Variants in SOX6 observed in about 807,000 individuals in gnomAD.
SOX6 encodes the protein transcription factor SOX-6.
In SOX6, 11 loss-of-function variants were observed where a neutral mutation model predicts 97.8. The ratio of observed to expected loss-of-function variants is 0.11; its 90% CI spans 0.07 to 0.19. The LOEUF (loss-of-function observed/expected upper bound fraction) is 0.19. Ranked by LOEUF, SOX6 falls within the 10% of genes least tolerant of loss-of-function variation. The pLI is 1.00. For missense variants in SOX6, 810 were observed against 1,039.5 expected (o/e 0.78, Z 3.04); for synonymous variants, 360 against 371.4 (o/e 0.97, Z 0.35).
intron 4 of SOX6, chr11:16,484,804 A>T: frequency 3.2e-6 from 1 of 316,718 alleles, no homozygotes; most frequent in Non-Finnish European, 5.9e-6. Context: ...CTCTTTACCA[A>T]GAATGTTGTG....
chr11:16,345,431 G>T (rs957311680), intron 1 of SOX6, among the ~76,000 whole-genome samples: 2 of 151,884 alleles, frequency 1.3e-5, no homozygotes, highest in African/African-American at 4.8e-5. Context: ...GAAGAACTTC[G>T]GGCTTAGGAC....
chr11:16,644,490 T>A (rs1166179669), intron 3 of SOX6, among the ~76,000 whole-genome samples: 1 of 152,224 alleles, frequency 6.6e-6, no homozygotes, highest in African/African-American at 2.4e-5. Flanking sequence ...ACCACATGTA[T>A]CTTCACTGAT....
chr11:16,201,927 C>T (rs553715527), intron 4 of SOX6, among the ~76,000 whole-genome samples: 37 of 151,860 alleles, frequency 2.4e-4, no homozygotes, highest in Admixed American at 6.6e-4. Flanking sequence ...GCCACCGCGC[C>T]CGGCCTGCAA....
intron 4 of SOX6, among the ~76,000 whole-genome samples, chr11:16,495,328 A>C (rs1228729382): frequency 6.6e-6 from 1 of 152,104 alleles, no homozygotes; most frequent in Non-Finnish European, 1.5e-5. Flanking sequence ...TTCTGCCATG[A>C]GCCTGGAAAT....
In SOX6 at chr11:15,967,321, T is replaced by C. The variant is rs1012395732; in HGVS notation, c.*5488A>G. 3 of 152,250 alleles carry C rather than the reference T, an allele frequency of 2.0e-5. No individual in the cohort carries two copies. Among genetic ancestry groups the C allele is most frequent in the Non-Finnish European group, 2.9e-5 (2 of 68,052 alleles). 9.4% of individuals were successfully genotyped at this position (152,250 alleles called of 1,614,324 possible). ...AGTACCTTGACAACAGAGTTGCAGT[T>C]GTCCCAACAGCCCTACACAAACTTT... On this transcript the variant is annotated 3_prime_UTR_variant, in exon 16 of 16. Coordinates refer to ENST00000683767, the MANE Select transcript of SOX6 (RefSeq NM_001367873.1).
At chr11:16,429,303 G>A (rs750390649) in intron 1 of SOX6, among the ~76,000 whole-genome samples, 8 of 152,058 alleles carry the variant, frequency 5.3e-5, no homozygotes, top group Non-Finnish European at 1.2e-4. Context: ...AATACCATTC[G>A]ACCCAGCAAT....
chr11:16,459,921 T>A (rs1241239067), intron 1 of SOX6, among the ~76,000 whole-genome samples: 1 of 151,404 alleles, frequency 6.6e-6, no homozygotes, highest in Non-Finnish European at 1.5e-5. Context: ...TGGCTGAAAA[T>A]TTTCCAGATA....
chr11:16,045,710 T>G (rs2133906699), intron 12 of SOX6, among the ~76,000 whole-genome samples: 1 of 152,254 alleles, frequency 6.6e-6, no homozygotes, highest in South Asian at 2.1e-4. Context: ...TCCTAGTGCC[T>G]AGAATGCCCC....
intron 4 of SOX6, among the ~76,000 whole-genome samples, chr11:16,604,436 G>C (rs974472224): frequency 4.6e-5 from 7 of 152,348 alleles, no homozygotes; most frequent in Non-Finnish European, 8.8e-5. Flanking sequence ...TAGTGGGCGG[G>C]AGTAGAGGGG....
At chr11:16,320,005 A>G (rs563823372) in intron 2 of SOX6, among the ~76,000 whole-genome samples, 10 of 152,294 alleles carry the variant, frequency 6.6e-5, no homozygotes, top group African/African-American at 2.4e-4. Context: ...TCAGCTGAAA[A>G]GGAAAAAGCA....
intron 1 of SOX6, among the ~76,000 whole-genome samples, chr11:16,423,799 A>G (rs10832604): frequency 0.2 from 30,798 of 152,162 alleles, 3,361 homozygotes; most frequent in Admixed American, 0.32. Context: ...AGGCAATAGA[A>G]TAAATCAGAC....
intron 3 of SOX6, among the ~76,000 whole-genome samples, chr11:16,631,188 T>C (rs1034599976): frequency 3.3e-5 from 5 of 151,366 alleles, no homozygotes; most frequent in African/African-American, 1.2e-4. Flanking sequence ...CTTTAGGCTA[T>C]GTACCTAAGT....
chr11:16,511,310 A>G (rs4491181), intron 4 of SOX6, among the ~76,000 whole-genome samples: 25,404 of 152,136 alleles, frequency 0.17, 2,609 homozygotes, highest in Admixed American at 0.3. Context: ...TCCCACCCAT[A>G]GAGTGTCATC....
intron 6 of SOX6, among the ~76,000 whole-genome samples, chr11:16,145,252 C>G (rs900198742): frequency 2.0e-5 from 3 of 152,160 alleles, no homozygotes; most frequent in African/African-American, 7.2e-5. Context: ...ACAAAAACCA[C>G]ATGATTATCT....
chr11:16,621,636 T>C (rs1211208739), intron 3 of SOX6, among the ~76,000 whole-genome samples: 3 of 152,092 alleles, frequency 2.0e-5, no homozygotes, highest in Non-Finnish European at 4.4e-5. Context: ...TAGCATAGAG[T>C]TTAATAAATC....
chr11:16,244,671 C>T (rs1397684231), intron 3 of SOX6, among the ~76,000 whole-genome samples: 1 of 151,648 alleles, frequency 6.6e-6, no homozygotes, highest in Non-Finnish European at 1.5e-5. Flanking sequence ...GTTCCAGCAA[C>T]ATTTTTCAAA....
intron 4 of SOX6, among the ~76,000 whole-genome samples, chr11:16,226,372 C>T (rs868127357): frequency 1.3e-4 from 20 of 150,224 alleles, no homozygotes; most frequent in Admixed American, 4.6e-4. Flanking sequence ...GTGTGTTTGT[C>T]AAACACAAGC....
intron 3 of SOX6, among the ~76,000 whole-genome samples, chr11:16,655,115 A>T (rs771001454): frequency 4.6e-5 from 7 of 152,214 alleles, no homozygotes; most frequent in Non-Finnish European, 8.8e-5. Context: ...CCAAAACCTC[A>T]TGGGGACTTG....
At chr11:15,987,795 C>T (rs905977783) in intron 14 of SOX6, among the ~76,000 whole-genome samples, 1 of 150,208 alleles carries the variant, frequency 6.7e-6, no homozygotes, top group Non-Finnish European at 1.5e-5. Context: ...CATCCCTATG[C>T]ATAACTCTGA....
Sources: gnomAD v4.1 joint callset for allele counts (sites outside exome capture counted in the v4.1 genomes callset) on GRCh38, gnomAD v4.1.1 for gene constraint, MANE v1.5 for transcripts, NCBI Gene and HGNC (gene_info 2026-07-23, HGNC 2026-07-21) for gene names.